The following KCNAB1 variants were observed in gnomAD, a reference collection of about 807,000 sequenced individuals.
KCNAB1 encodes the protein voltage-gated potassium channel subunit beta-1.
Under a neutral mutation model 64.6 loss-of-function variants are expected in KCNAB1, and 35 were observed. The ratio of observed to expected loss-of-function variants is 0.54; its 90% CI spans 0.41 to 0.72. The LOEUF (loss-of-function observed/expected upper bound fraction) is 0.72, where lower values mean the gene tolerates loss of function less well. Among genes scored for constraint, KCNAB1 ranks in the 30% least tolerant of loss-of-function variants. The pLI is 0.00. For synonymous variants in KCNAB1, 177 were observed against 183.8 expected, an observed-to-expected ratio of 0.96 and a Z score of 0.30; for missense variants, 401 against 512.9, an observed-to-expected ratio of 0.78 and a Z score of 2.11.
At chr3:156,374,982 G>A (rs1711551170) in intron 1 of KCNAB1, among the ~76,000 whole-genome samples, 1 of 135,504 alleles carries the variant, frequency 7.4e-6, no homozygotes, top group Non-Finnish European at 1.5e-5. Flanking sequence ...AATATACAAG[G>A]ACTATATTCA....
At chr3:156,327,276 A>G (rs983011445) in intron 1 of KCNAB1, among the ~76,000 whole-genome samples, 2 of 152,192 alleles carry the variant, frequency 1.3e-5, no homozygotes, top group Non-Finnish European at 2.9e-5. Context: ...ACAGAAGTGC[A>G]TGTGTTGAGG....
intron 1 of KCNAB1, among the ~76,000 whole-genome samples, chr3:156,180,774 A>T (rs2108345108): frequency 6.6e-6 from 1 of 152,328 alleles, no homozygotes; most frequent in African/African-American, 2.4e-5. Flanking sequence ...CAAATAAGCT[A>T]AGCAGAGTGT....
chr3:156,471,563 T>A (rs1367221938), intron 7 of KCNAB1, among the ~76,000 whole-genome samples: 2 of 152,234 alleles, frequency 1.3e-5, no homozygotes, highest in Non-Finnish European at 2.9e-5. Flanking sequence ...CAAGTACATT[T>A]GCTGCACTGG....
chr3:156,362,911 G>T (rs947369897), intron 1 of KCNAB1, among the ~76,000 whole-genome samples: 1 of 152,200 alleles, frequency 6.6e-6, no homozygotes, highest in Non-Finnish European at 1.5e-5. Context: ...CAACCCTGAT[G>T]AGCCCAGCTC....
intron 1 of KCNAB1, among the ~76,000 whole-genome samples, chr3:156,308,308 G>C (rs538036443): frequency 1.2e-4 from 18 of 152,322 alleles, no homozygotes; most frequent in Non-Finnish European, 2.4e-4. Flanking sequence ...GTGGGCCATG[G>C]TGAGGACTTT....
chr3:156,203,258 A>G (rs548765415), intron 1 of KCNAB1, among the ~76,000 whole-genome samples: 1 of 152,370 alleles, frequency 6.6e-6, no homozygotes, highest in African/African-American at 2.4e-5. Flanking sequence ...TGTATGGTAC[A>G]CAAGGCTGAA....
intron 1 of KCNAB1, among the ~76,000 whole-genome samples, chr3:156,221,776 C>T (rs919815783): frequency 7.6e-6 from 1 of 131,590 alleles, no homozygotes; most frequent in Non-Finnish European, 1.6e-5. Flanking sequence ...AAAACTCCAT[C>T]CCCCCCCGCC....
chr3:156,300,438 A>G (rs1397131917), intron 1 of KCNAB1, among the ~76,000 whole-genome samples: 8 of 152,146 alleles, frequency 5.3e-5, no homozygotes, highest in Admixed American at 5.2e-4. Context: ...TCCCAACTGT[A>G]ACTATAACTC....
At chr3:156,408,647 G>A (rs1406335784) in intron 1 of KCNAB1, among the ~76,000 whole-genome samples, 2 of 151,990 alleles carry the variant, frequency 1.3e-5, no homozygotes, top group African/African-American at 4.8e-5. Flanking sequence ...GGGTGTGGTG[G>A]GGCACACCTG....
chr3:156,333,356 A>G (rs1346334329), intron 1 of KCNAB1, among the ~76,000 whole-genome samples: 1 of 151,712 alleles, frequency 6.6e-6, no homozygotes, highest in Non-Finnish European at 1.5e-5. Flanking sequence ...ACACACACAC[A>G]CACACGTGTA....
At chr3:156,136,655 C>A (rs1398054512) in intron 1 of KCNAB1, among the ~76,000 whole-genome samples, 1 of 152,230 alleles carries the variant, frequency 6.6e-6, no homozygotes, top group Non-Finnish European at 1.5e-5. Context: ...ACGCCGCTCA[C>A]CTACCTCTCC....
At chr3:156,494,859 T>C (rs919254778) in intron 8 of KCNAB1, among the ~76,000 whole-genome samples, 1 of 152,146 alleles carries the variant, frequency 6.6e-6, no homozygotes, top group African/African-American at 2.4e-5. Flanking sequence ...TTGCCAATTT[T>C]TTTCTTTTTT....
intron 2 of KCNAB1, among the ~76,000 whole-genome samples, chr3:156,423,420 A>G (rs534908370): frequency 6.6e-6 from 1 of 152,136 alleles, no homozygotes. Flanking sequence ...GTGGAGGGGG[A>G]GGTATTTTGT....
intron 1 of KCNAB1, among the ~76,000 whole-genome samples, chr3:156,413,645 C>G (rs1370393095): frequency 6.6e-6 from 1 of 152,174 alleles, no homozygotes; most frequent in East Asian, 1.9e-4. Flanking sequence ...ACTCAACTGC[C>G]CCGTGTCTTC....
At chr3:156,153,496 C>T (rs555419993) in intron 1 of KCNAB1, among the ~76,000 whole-genome samples, 1 of 152,314 alleles carries the variant, frequency 6.6e-6, no homozygotes, top group South Asian at 2.1e-4. Flanking sequence ...ACAGGGTGCC[C>T]AGACATTTGG....
At chr3:156,488,296 A>T (rs1342304509) in intron 8 of KCNAB1, among the ~76,000 whole-genome samples, 1 of 31,524 alleles carries the variant, frequency 3.2e-5, no homozygotes, top group Non-Finnish European at 5.1e-5. Context: ...TGGGTGCTAT[A>T]AAAAAAAAAA....
At chr3:156,143,901 C>CTTTATTTATTTATTTA (rs145502397) in intron 1 of KCNAB1, among the ~76,000 whole-genome samples, 3 of 146,818 alleles carry the variant, frequency 2.0e-5, no homozygotes, top group African/African-American at 7.4e-5. Context: ...AATGACAGCA[C>CTTTATTTATTTATTTA]TTTATTTATT....
intron 2 of KCNAB1, among the ~76,000 whole-genome samples, chr3:156,422,904 A>T (rs2108228599): frequency 6.6e-6 from 1 of 152,334 alleles, no homozygotes; most frequent in South Asian, 2.1e-4. Context: ...TCAGAAAAAA[A>T]AATGGAGTCC....
intron 8 of KCNAB1, among the ~76,000 whole-genome samples, chr3:156,512,730 C>G (rs560996210): frequency 2.0e-5 from 3 of 152,310 alleles, no homozygotes; most frequent in Non-Finnish European, 4.4e-5. Context: ...CTTTTTTAAT[C>G]ATATGTTTTA....
Sources: allele counts gnomAD v4.1 joint callset (sites outside exome capture counted in the v4.1 genomes callset), GRCh38; gene constraint gnomAD v4.1.1; transcripts MANE v1.5; gene names NCBI Gene and HGNC (gene_info 2026-07-23, HGNC 2026-07-21).